The following PTPRD variants were observed in gnomAD, a reference collection of about 807,000 sequenced individuals.
PTPRD encodes protein tyrosine phosphatase receptor type D.
PTPRD carries 34 observed loss-of-function variants against 214.5 expected under a neutral mutation model. The observed-to-expected ratio is 0.16, with a 90% CI of 0.12 to 0.21. The LOEUF is 0.21. PTPRD is among the 10% of genes least tolerant of loss of function. The probability of loss-of-function intolerance (pLI) is 1.00; values close to 1 mark genes in which losing one functional copy is unlikely to be tolerated. For missense variants in PTPRD, 2,545 were observed against 2,398.7 expected (o/e 1.06, Z -1.27); for synonymous variants, 1,128 against 845.7 (o/e 1.33, Z -5.79).
chr9:8,327,062 T>C (rs1364695897), intron 44 of PTPRD, among the ~76,000 whole-genome samples: 1 of 148,922 alleles, frequency 6.7e-6, no homozygotes, highest in Non-Finnish European at 1.5e-5. Flanking sequence ...AGTTATTTCT[T>C]GTCTTCTGTT....
intron 8 of PTPRD, among the ~76,000 whole-genome samples, chr9:9,523,833 T>C (rs1327664701): frequency 6.6e-6 from 1 of 152,206 alleles, no homozygotes. Flanking sequence ...TCAGAAGGAA[T>C]TGGCATTAGC....
chr9:10,607,048 C>A, intron 2 of PTPRD, among the ~76,000 whole-genome samples: 1 of 151,766 alleles, frequency 6.6e-6, no homozygotes, highest in Non-Finnish European at 1.5e-5. Context: ...CAAGGCATCC[C>A]AGTAGAAAAG....
At chr9:10,445,506 G>C (rs2098792500) in intron 2 of PTPRD, among the ~76,000 whole-genome samples, 1 of 152,142 alleles carries the variant, frequency 6.6e-6, no homozygotes, top group African/African-American at 2.4e-5. Flanking sequence ...TGGAAAGAAA[G>C]GAATACATTT....
intron 5 of PTPRD, among the ~76,000 whole-genome samples, chr9:9,866,917 G>A (rs901313904): frequency 1.1e-4 from 16 of 152,048 alleles, no homozygotes; most frequent in Non-Finnish European, 1.9e-4. Flanking sequence ...AACAGTTTTT[G>A]CTTTTTGGTG....
chr9:9,772,643 T>A (rs1026795337), intron 5 of PTPRD, among the ~76,000 whole-genome samples: 1 of 141,470 alleles, frequency 7.1e-6, no homozygotes, highest in Non-Finnish European at 1.5e-5. Flanking sequence ...TTACTGAGAA[T>A]AGCTTAGTAT....
At chr9:9,153,031 C>T (rs1300020608) in intron 10 of PTPRD, among the ~76,000 whole-genome samples, 1 of 152,176 alleles carries the variant, frequency 6.6e-6, no homozygotes, top group African/African-American at 2.4e-5. Context: ...CTATGTGCTG[C>T]TTGACTATTG....
At chr9:8,675,246 C>G (rs752724200) in intron 12 of PTPRD, among the ~76,000 whole-genome samples, 1 of 151,984 alleles carries the variant, frequency 6.6e-6, no homozygotes, top group Non-Finnish European at 1.5e-5. Flanking sequence ...CCTCTCTAAG[C>G]CTCTAGTTCC....
chr9:9,130,689 C>T (rs541121422), intron 10 of PTPRD, among the ~76,000 whole-genome samples: 36 of 152,156 alleles, frequency 2.4e-4, no homozygotes, highest in African/African-American at 8.4e-4. Context: ...TTGGTTCCTA[C>T]TGACCTTCCT....
At position 10,033,741 on chromosome 9, in the gene PTPRD, G is replaced by C. The variant is rs918320133; in HGVS notation, c.-495C>G. On this transcript the variant is annotated 5_prime_UTR_variant, in exon 4 of 46. In the 5' UTR this introduces an upstream ATG that the reference lacks. Coordinates refer to ENST00000381196, the MANE Select transcript of PTPRD (RefSeq NM_002839.4). ...ACCAATGTACAGCTTCCCCCTACAAGATGATTTTATAGCTGGAGGATGAAA... is the reference window on the plus strand; with the variant it reads ...ACCAATGTACAGCTTCCCCCTACAACATGATTTTATAGCTGGAGGATGAAA... 1 of 152,032 alleles carries C rather than the reference G, an allele frequency of 6.6e-6. No individual in the cohort carries two copies. Among genetic ancestry groups the C allele is most frequent in the African/African-American group, 2.4e-5 (1 of 41,438 alleles). 9.4% of individuals were successfully genotyped at this position (152,032 alleles called of 1,614,324 possible).
chr9:10,322,689 A>G (rs540872567), intron 3 of PTPRD, among the ~76,000 whole-genome samples: 34 of 152,254 alleles, frequency 2.2e-4, no homozygotes, highest in Middle Eastern at 3.4e-3. Context: ...GATGGCAATT[A>G]TCACATCAAC....
chr9:8,760,774 G>T (rs1210992904), intron 11 of PTPRD, among the ~76,000 whole-genome samples: 1 of 152,070 alleles, frequency 6.6e-6, no homozygotes, highest in Non-Finnish European at 1.5e-5. Context: ...GATTATTCTA[G>T]GAGATCTGGC....
intron 2 of PTPRD, among the ~76,000 whole-genome samples, chr9:10,473,391 C>T (rs12005888): frequency 0.033 from 4,974 of 152,144 alleles, 287 homozygotes; most frequent in African/African-American, 0.11. Context: ...TAGCATGTCT[C>T]ACTTTTATCT....
intron 10 of PTPRD, among the ~76,000 whole-genome samples, chr9:9,169,160 CCT>C (rs1387188206): frequency 2.6e-5 from 4 of 151,840 alleles, no homozygotes; most frequent in Admixed American, 2.0e-4. Context: ...TCTTATAGAG[CCT>C]CTTTTTGGCT....
At chr9:8,524,500 C>A (rs555973184) in intron 18 of PTPRD, among the ~76,000 whole-genome samples, 2 of 152,132 alleles carry the variant, frequency 1.3e-5, no homozygotes, top group Admixed American at 1.3e-4. Context: ...GTCATGAAGA[C>A]ATAAACACCT....
rs1468918887 is a variant in PTPRD at position 9,937,008 on chromosome 9, A to T, written c.-368+1499T>A. ...CCAAACCCCACATATTCTCACTCATAGGTGGGAATTGAACAATGAGATCAC... is the reference window on the plus strand; with the variant it reads ...CCAAACCCCACATATTCTCACTCATTGGTGGGAATTGAACAATGAGATCAC... On this transcript the variant is annotated intron_variant, in intron 5 of 45. Transcript: ENST00000381196. 3.3e-5 allele frequency among the ~76,000 whole-genome samples: 5 copies of T among 152,016 alleles called. No homozygotes were observed. In the South Asian group the frequency reaches 1.0e-3, roughly 32 times the overall value.
intron 9 of PTPRD, among the ~76,000 whole-genome samples, chr9:9,208,177 G>A (rs371955706): frequency 3.4e-4 from 51 of 151,664 alleles, no homozygotes; most frequent in African/African-American, 1.2e-3. Flanking sequence ...ACCACGCCCG[G>A]CTAATTTTTT....
At chr9:8,678,288 G>C (rs2097477497) in intron 12 of PTPRD, among the ~76,000 whole-genome samples, 1 of 152,114 alleles carries the variant, frequency 6.6e-6, no homozygotes, top group African/African-American at 2.4e-5. Flanking sequence ...TAAATGTTCT[G>C]AGTCAAGTTA....
At chr9:9,851,909 G>T (rs747969841) in intron 5 of PTPRD, among the ~76,000 whole-genome samples, 3 of 152,118 alleles carry the variant, frequency 2.0e-5, no homozygotes, top group Non-Finnish European at 4.4e-5. Flanking sequence ...TGTCATAAAA[G>T]AAATCACAAA....
chr9:10,312,516 T>G (rs1160347486), intron 3 of PTPRD, among the ~76,000 whole-genome samples: 45 of 151,998 alleles, frequency 3.0e-4, no homozygotes, highest in Non-Finnish European at 2.9e-5. Context: ...AAACCTATCA[T>G]AAGAAGTTTT....
Sources: gnomAD v4.1 joint callset for allele counts (sites outside exome capture counted in the v4.1 genomes callset) on GRCh38, gnomAD v4.1.1 for gene constraint, MANE v1.5 for transcripts, NCBI Gene and HGNC (gene_info 2026-07-23, HGNC 2026-07-21) for gene names.